The following TTLL11 variants were observed in gnomAD, a reference collection of about 807,000 sequenced individuals.
TTLL11 encodes the protein tubulin polyglutamylase TTLL11.
Under a neutral mutation model 51.7 loss-of-function variants are expected in TTLL11, and 42 were observed. The ratio of observed to expected loss-of-function variants is 0.81; its 90% confidence interval spans 0.64 to 1.05. TTLL11 has a LOEUF of 1.05. Ranked by LOEUF, TTLL11 falls within the 50% of genes least tolerant of loss-of-function variation. The probability of loss-of-function intolerance (pLI) is 0.00; values close to 1 mark genes in which losing one functional copy is unlikely to be tolerated. For missense variants in TTLL11, 799 were observed against 940.4 expected, an observed-to-expected ratio of 0.85 and a Z score of 1.97; for synonymous variants, 381 against 383.5, an observed-to-expected ratio of 0.99 and a Z score of 0.08.
intron 6 of TTLL11, among the ~76,000 whole-genome samples, chr9:121,928,198 C>T (rs900744133): frequency 6.6e-6 from 1 of 152,152 alleles, no homozygotes; most frequent in East Asian, 1.9e-4. Flanking sequence ...TCAATCAGCT[C>T]CTCCTTGGTA....
At chr9:121,829,807 A>ACACACAC (rs1234893362) in intron 8 of TTLL11, among the ~76,000 whole-genome samples, 2 of 150,882 alleles carry the variant, frequency 1.3e-5, no homozygotes, top group African/African-American at 4.9e-5. Context: ...ACACACACAC[A>ACACACAC]CACACACCAC....
intron 6 of TTLL11, among the ~76,000 whole-genome samples, chr9:121,969,548 T>C (rs1432811466): frequency 6.6e-6 from 1 of 152,156 alleles, no homozygotes; most frequent in Non-Finnish European, 1.5e-5. Flanking sequence ...TTTTTATCTT[T>C]AGTCTGTGTG....
rs115226756 is a variant in TTLL11, at chr9:121,974,544, G to A, written c.1365+340C>T. On this transcript the variant is annotated intron_variant, in intron 5 of 8. Transcript: ENST00000321582. ...TGTATTATTTATCTTAGTGATTCAA[G>A]TATGTCAACATGACTAAATCATACT... Among the ~76,000 whole-genome samples the A allele has an allele frequency of 4.8e-3, 720 of 150,462 alleles. 6 individuals are homozygous for A. The highest frequency in any genetic ancestry group is 0.017 in the African/African-American group (694 of 39,868).
chr9:121,853,242 G>A lies in TTLL11; in HGVS notation c.1840+7095C>T, dbSNP rs919262650. 6.6e-6 allele frequency among the ~76,000 whole-genome samples: 1 copy of A among 152,168 alleles called. No individual in the cohort carries two copies. The highest frequency in any genetic ancestry group is 6.5e-5 in the Admixed American group (1 of 15,284). ...TGCTAGATGCCAGTCTCAGTGCTTG[G>A]CCTCATGCAGGCGGGAACAGCTCTG... is the stretch of plus-strand genomic sequence containing the variant. On this transcript the variant is annotated intron_variant, in intron 8 of 8. Transcript: ENST00000321582. The surrounding 1 kb of genome is among the most constrained non-coding windows in gnomAD (Gnocchi z 5.6).
chr9:121,979,090 C>T (rs1268995049), intron 4 of TTLL11, among the ~76,000 whole-genome samples: 1 of 152,210 alleles, frequency 6.6e-6, no homozygotes, highest in Non-Finnish European at 1.5e-5. Flanking sequence ...TGGCTTCTAT[C>T]TTGGGGGGCT....
chr9:122,019,941 G>T (rs1227586517), intron 3 of TTLL11, among the ~76,000 whole-genome samples: 1 of 152,138 alleles, frequency 6.6e-6, no homozygotes, highest in Non-Finnish European at 1.5e-5. Context: ...AGTCTCTCTT[G>T]CCTGTCACCA....
At chr9:121,929,422 AGAGC>A (rs1840878920) in intron 6 of TTLL11, among the ~76,000 whole-genome samples, 2 of 151,650 alleles carry the variant, frequency 1.3e-5, no homozygotes, top group Admixed American at 1.3e-4. Context: ...CCTGGGCAAC[AGAGC>A]GAGACCCCGT....
intron 6 of TTLL11, among the ~76,000 whole-genome samples, chr9:121,936,269 T>C (rs1357768448): frequency 6.6e-6 from 1 of 151,822 alleles, no homozygotes; most frequent in East Asian, 1.9e-4. Flanking sequence ...TTCTTTCTTT[T>C]TTTTTTTTAT....
chr9:121,883,882 C>T (rs779238089), intron 6 of TTLL11, among the ~76,000 whole-genome samples: 16 of 152,152 alleles, frequency 1.1e-4, no homozygotes, highest in African/African-American at 2.7e-4. Flanking sequence ...GGATGAATCA[C>T]GCAGGCCTGG....
At chr9:121,938,527 C>T (rs1218350176) in intron 6 of TTLL11, among the ~76,000 whole-genome samples, 1 of 152,084 alleles carries the variant, frequency 6.6e-6, no homozygotes, top group Admixed American at 6.5e-5. Flanking sequence ...ATATGTATAA[C>T]TCATAAAACC....
intron 3 of TTLL11, among the ~76,000 whole-genome samples, chr9:121,990,771 G>C (rs976144406): frequency 1.3e-5 from 2 of 152,078 alleles, no homozygotes; most frequent in Non-Finnish European, 2.9e-5. Flanking sequence ...AGATCTTTTT[G>C]AAACAAGATC....
intron 1 of TTLL11, among the ~76,000 whole-genome samples, chr9:122,085,634 CCT>C (rs994229939): frequency 9.2e-5 from 14 of 152,256 alleles, no homozygotes; most frequent in Admixed American, 4.6e-4. Flanking sequence ...AAATTTTCCC[CCT>C]GTTTAAGAAA....
intron 8 of TTLL11, among the ~76,000 whole-genome samples, chr9:121,831,317 G>A (rs1356626101): frequency 1.3e-5 from 2 of 152,326 alleles, no homozygotes; most frequent in African/African-American, 4.8e-5. Flanking sequence ...TGGGGCTTCT[G>A]CCCCAGTGAG....
intron 8 of TTLL11, among the ~76,000 whole-genome samples, chr9:121,855,231 T>C (rs751597602): frequency 4.6e-5 from 7 of 152,198 alleles, no homozygotes; most frequent in Non-Finnish European, 1.0e-4. Flanking sequence ...GCGTGGATCA[T>C]GATGGAAGTG....
chr9:121,871,374 A>G (rs1195162256), intron 6 of TTLL11, among the ~76,000 whole-genome samples: 1 of 152,194 alleles, frequency 6.6e-6, no homozygotes, highest in Admixed American at 6.5e-5. Context: ...TGTTCTTCTC[A>G]CCTTAGACCT....
chr9:121,985,809 C>G (rs527880139), intron 4 of TTLL11, among the ~76,000 whole-genome samples: 1 of 152,234 alleles, frequency 6.6e-6, no homozygotes, highest in African/African-American at 2.4e-5. Context: ...CGTGAGCCAC[C>G]GCGCCCGGCC....
chr9:121,826,218 G>GCACACACACA lies in TTLL11; in HGVS notation c.1841-3340_1841-3339insTGTGTGTGTG, dbSNP rs1491244955. On this transcript the variant is annotated intron_variant, in intron 8 of 8. Coordinates refer to ENST00000321582, the MANE Select transcript of TTLL11 (RefSeq NM_001139442.2). ...TATATATATATATATATATATATAT[G>GCACACACACA]CACACATATATATATACACGCACAT... 3.8e-4 allele frequency among the ~76,000 whole-genome samples: 22 copies of GCACACACACA among 58,558 alleles called. 3 individuals carry two copies. Among genetic ancestry groups the GCACACACACA allele is most frequent in the African/African-American group, 1.5e-3 (22 of 14,804 alleles). The allele number at this position is 58,558 out of a possible 152,430, so 38.4% of individuals were successfully genotyped here. A position where few individuals can be genotyped will look rare whatever the true frequency, so the allele number is the denominator to read the frequency against.
chr9:122,044,544 C>A (rs912170770), intron 1 of TTLL11, among the ~76,000 whole-genome samples: 1 of 152,156 alleles, frequency 6.6e-6, no homozygotes, highest in Admixed American at 6.5e-5. Context: ...TTTTAATGAT[C>A]GCCATTCTAA....
At position 122,039,358 on chromosome 9, in the gene TTLL11, C is replaced by T; in HGVS notation, c.473G>A (p.Gly158Asp). ...RQLKWKEFPF[G>D]RRLPCDIYWH... ...GTAGATGTCACAAGGCAAGCGCCGGCCAAATGGGAACTAGAAGAGAAAAAA... is the reference window on the plus strand; with the variant it reads ...GTAGATGTCACAAGGCAAGCGCCGGTCAAATGGGAACTAGAAGAGAAAAAA... The change falls in exon 2 of 9, where the codon GGC becomes GAC. Residue 158 changes from glycine (G) to aspartate (D), a missense_variant. This residue lies in a region of TTLL11 where 468 missense variants were observed against 612.8 expected (regional missense o/e 0.76). Transcript: ENST00000321582. 6.2e-7 allele frequency: 1 copy of T among 1,613,712 alleles called. No homozygotes were observed. The highest frequency in any genetic ancestry group is 8.5e-7 in the Non-Finnish European group (1 of 1,179,744).
Sources: allele counts gnomAD v4.1 joint callset (sites outside exome capture counted in the v4.1 genomes callset), GRCh38; gene constraint gnomAD v4.1.1; regional missense constraint gnomAD v4.1.1; non-coding constraint Gnocchi (gnomAD v3.1); transcripts MANE v1.5; gene names NCBI Gene and HGNC (gene_info 2026-07-23, HGNC 2026-07-21).